ZNF785: variants seen among roughly 807,000 people sequenced by gnomAD.
ZNF785 encodes zinc finger protein 785.
ZNF785 carries 15 observed loss-of-function variants against 11.3 expected under a neutral mutation model. The ratio of observed to expected loss-of-function variants is 1.32; its 90% CI spans 0.89 to 2.04. The LOEUF is 2.04. Among genes scored for constraint, ZNF785 ranks in the 30% most tolerant of loss-of-function variants. ZNF785 has a pLI of 0.00. For missense variants in ZNF785, 572 were observed against 560.9 expected (o/e 1.02, Z -0.20); for synonymous variants, 221 against 231.0 (o/e 0.96, Z 0.39).
rs1195065684 is a variant in ZNF785 at position 30,582,575 on chromosome 16, A to C, written c.1203T>G (p.Phe401Leu). ...PVHFRHFPDI[F>L]QECG ...GTGAACGCCATCACCCACACTCTTG[A>C]AATATATCTGGAAAGTGCCGGAAGT... Residue 401 changes from phenylalanine to leucine, a missense_variant, in exon 3 of 3, where the codon TTT becomes TTG. Coordinates refer to ENST00000395216, the MANE Select transcript of ZNF785 (RefSeq NM_152458.7). The C allele has an allele frequency of 6.2e-7, 1 of 1,613,890 alleles. No individual in the cohort carries two copies. Among genetic ancestry groups the C allele is most frequent in the Non-Finnish European group, 8.5e-7 (1 of 1,180,036 alleles).
Position 30,585,036 on chromosome 16 carries a change from T to C in ZNF785, c.334+86A>G. 3.3e-6 allele frequency: 5 copies of C among 1,513,368 alleles called. No individual in the cohort carries two copies. The highest frequency in any genetic ancestry group is 1.3e-5 in the South Asian group (1 of 77,344). 93.7% of individuals were successfully genotyped at this position (1,513,368 alleles called of 1,614,324 possible). Reference sequence around the variant, plus strand: ...GGTGCAGGGAGACAGGATGGGACTTTGGAGGGGGCAGCCTGCGCTGAGGAT... The same window carrying C: ...GGTGCAGGGAGACAGGATGGGACTTCGGAGGGGGCAGCCTGCGCTGAGGAT... On this transcript the variant is annotated intron_variant, in intron 2 of 2. Transcript: ENST00000395216. This position sits in a 1 kb window ranked among gnomAD's most constrained non-coding sequence, Gnocchi z 4.0.
At chr16:30,583,813 G>C (rs2051853588) in intron 2 of ZNF785, 1 of 169,222 alleles carries the variant, frequency 5.9e-6, no homozygotes, top group Non-Finnish European at 1.2e-5. Context: ...CTGTGATCGG[G>C]CCACTGCACT....
At position 30,582,727 on chromosome 16, in the gene ZNF785, G is replaced by A. The variant is rs200773886; in HGVS notation, c.1051C>T (p.Arg351Cys). 2 of 1,612,326 alleles carry A rather than the reference G, an allele frequency of 1.2e-6. No homozygotes were observed. Among genetic ancestry groups the A allele is most frequent in the African/African-American group, 1.3e-5 (1 of 75,044 alleles). The change falls in exon 3 of 3, where the codon CGC becomes TGC. Residue 351 changes from arginine to cysteine, a missense_variant. By Grantham distance (180) the Arg-to-Cys change is radical (BLOSUM62 -3). Transcript: ENST00000395216. ...PCVECGKGFKRKTALEAHRWI... is the reference protein window; with the variant it reads ...PCVECGKGFKCKTALEAHRWI... Reference sequence around the variant, plus strand: ...CGATGGGCTTCCAGGGCGGTCTTGCGCTTGAAGCCTTTCCCACACTCCACG... The same window carrying A: ...CGATGGGCTTCCAGGGCGGTCTTGCACTTGAAGCCTTTCCCACACTCCACG...
In ZNF785 at chr16:30,583,026, G is replaced by C; in HGVS notation, c.752C>G (p.Thr251Ser). ...TGAGCACGCGTAAGGCTTCTCCCCG[G>C]TGTGAGCCCGCCTGTGGATAGCCAG... is the stretch of plus-strand genomic sequence containing the variant. ...GSLAIHRRAH[T>S]GEKPYACSDC... Residue 251 changes from threonine to serine, a missense_variant, in exon 3 of 3, where the codon ACC becomes AGC. Physicochemically the swap from Thr to Ser is moderately conservative, Grantham distance 58. Transcript: ENST00000395216. The C allele has an allele frequency of 1.2e-6, 2 of 1,614,016 alleles. No individual in the cohort carries two copies. The highest frequency in any genetic ancestry group is 1.7e-6 in the Non-Finnish European group (2 of 1,179,986).
At chr16:30,579,351 T>C (rs1407063063), downstream of ZNF785, 2 of 160,054 alleles carry the variant, frequency 1.2e-5, no homozygotes, top group Non-Finnish European at 2.8e-5. Flanking sequence ...GGAGAGGCTA[T>C]GTGGTGAAGT....
At chr16:30,580,186 CTTTTTTTT>C (rs35143221), downstream of ZNF785, among the ~76,000 whole-genome samples, 1 of 92,546 alleles carries the variant, frequency 1.1e-5, no homozygotes, top group African/African-American at 4.6e-5. Flanking sequence ...CACACCAGGC[CTTTTTTTT>C]TTTTTTTTTT....
chr16:30,585,433 T>G lies in ZNF785; in HGVS notation c.179A>C (p.Glu60Ala), dbSNP rs1357726381. ...CAGCGCGCCCAGGTGGCCGAAGGTC[T>G]CCCGCATCACGTCCCGGTACAGGGC... is the stretch of plus-strand genomic sequence containing the variant. ...QRALYRDVMR[E>A]TFGHLGALGF... Residue 60 changes from glutamate to alanine, a missense_variant, in exon 1 of 3, where the codon GAG (glutamate) becomes GCG (alanine). Glu to Ala is a moderately radical substitution (Grantham distance 107, BLOSUM62 -1). Coordinates refer to ENST00000395216, the MANE Select transcript of ZNF785 (RefSeq NM_152458.7). This position sits in a 1 kb window ranked among gnomAD's most constrained non-coding sequence, Gnocchi z 4.0. 2 of 1,597,914 alleles carry G rather than the reference T, an allele frequency of 1.3e-6. No individual in the cohort carries two copies. The highest frequency in any genetic ancestry group is 2.2e-5 in the South Asian group (2 of 89,168).
At chr16:30,579,974 G>C (rs1257039729), downstream of ZNF785, 1 of 385,204 alleles carries the variant, frequency 2.6e-6, no homozygotes, top group Non-Finnish European at 5.2e-6. Flanking sequence ...TGCAAGCTCC[G>C]CCTCCCGGGT....
At position 30,582,730 on chromosome 16, in the gene ZNF785, T is replaced by G; in HGVS notation, c.1048A>C (p.Lys350Gln). Residue 350 changes from lysine to glutamine, a missense_variant, in exon 3 of 3, where the codon AAG (lysine) becomes CAG (glutamine). Coordinates refer to ENST00000395216, the MANE Select transcript of ZNF785 (RefSeq NM_152458.7). ...FPCVECGKGF[K>Q]RKTALEAHRW... ...TGGGCTTCCAGGGCGGTCTTGCGCT[T>G]GAAGCCTTTCCCACACTCCACGCAG... The G allele has an allele frequency of 6.2e-7, 1 of 1,612,046 alleles. No individual in the cohort carries two copies. The highest frequency in any genetic ancestry group is 8.5e-7 in the Non-Finnish European group (1 of 1,178,550).
At chr16:30,580,441 G>A (rs1470238082), downstream of ZNF785, among the ~76,000 whole-genome samples, 3 of 146,892 alleles carry the variant, frequency 2.0e-5, no homozygotes, top group South Asian at 2.2e-4. Context: ...TGCAAGCTCC[G>A]CCTCCCGGGT....
intron 2 of ZNF785, among the ~76,000 whole-genome samples, chr16:30,584,905 T>A (rs1347481159): frequency 1.3e-5 from 2 of 152,176 alleles, no homozygotes; most frequent in Non-Finnish European, 2.9e-5. Flanking sequence ...AAGCTCTATT[T>A]TGCATTAAAC....
intron 2 of ZNF785, chr16:30,583,695 A>C: frequency 5.0e-6 from 2 of 399,510 alleles, no homozygotes; most frequent in East Asian, 4.3e-5. Flanking sequence ...ACTGGAGATA[A>C]TGAAAGAGGA....
chr16:30,584,887 G>A (rs2051867665), intron 2 of ZNF785, among the ~76,000 whole-genome samples: 1 of 152,040 alleles, frequency 6.6e-6, no homozygotes, highest in African/African-American at 2.4e-5. Context: ...TGACCTCCTA[G>A]GAAGCTCAAG....
At position 30,582,973 on chromosome 16, in the gene ZNF785, AG is replaced by A. The variant is rs765715397; in HGVS notation, c.804del (p.Tyr269ThrfsTer161). 6.6e-5 allele frequency: 107 copies of A among 1,610,472 alleles called. No homozygotes were observed. The highest frequency in any genetic ancestry group is 8.6e-5 in the Non-Finnish European group (101 of 1,178,020). On this transcript the variant is annotated frameshift_variant, in exon 3 of 3. Transcript: ENST00000395216. LOFTEE classifies it low-confidence loss of function (END_TRUNC). Reference sequence around the variant, plus strand: ...TTGCGCTGGTGGATGGCCAGCAGGTAGGGGTAAGTGAAGCGACTCTTGCAGT... The same window carrying A: ...TTGCGCTGGTGGATGGCCAGCAGGTAGGGTAAGTGAAGCGACTCTTGCAGT... The part of the protein sequence containing the change: ...CSDCKSRFTY[P>X]YLLAIHQRKH...
In ZNF785 at chr16:30,585,378, G is replaced by C. The variant is rs778445245; in HGVS notation, c.205+29C>G. 3.0e-5 allele frequency: 47 copies of C among 1,574,638 alleles called. No homozygotes were observed. The highest frequency in any genetic ancestry group is 5.4e-5 in the African/African-American group (4 of 74,090). On this transcript the variant is annotated intron_variant, in intron 1 of 2. Transcript: ENST00000395216. The surrounding 1 kb of genome is among the most constrained non-coding windows in gnomAD (Gnocchi z 4.0). The stretch of plus-strand genomic sequence containing the variant: ...ATCACCGCTTCCCACCGACGGACTG[G>C]GGGTCCCGGCCGGAGGGCCCGGCCT...
Position 30,585,550 on chromosome 16 carries a change from G to C in ZNF785, c.62C>G (p.Thr21Arg). 6.4e-7 allele frequency: 1 copy of C among 1,564,772 alleles called. No individual in the cohort carries two copies. Among genetic ancestry groups the C allele is most frequent in the Non-Finnish European group, 8.6e-7 (1 of 1,157,044 alleles). ...CACGGCGCCCGGCCTGCTTTCCCTC[G>C]TCCTCCGGGGCCCGGCCTCCCCGGG... ...HVPGEAGPRR[T>R]RESRPGAVSF... The change falls in exon 1 of 3, where the codon ACG becomes AGG. Residue 21 changes from threonine (T) to arginine (R), a missense_variant. Transcript: ENST00000395216. This position sits in a 1 kb window ranked among gnomAD's most constrained non-coding sequence, Gnocchi z 4.0.
Position 30,583,459 on chromosome 16 carries a change from T to A in ZNF785, c.335-16A>T, listed in dbSNP as rs1230492309. 1 of 1,521,888 alleles carries A rather than the reference T, an allele frequency of 6.6e-7. No homozygotes were observed. 94.3% of individuals were successfully genotyped at this position (1,521,888 alleles called of 1,614,324 possible). On this transcript the variant is annotated splice_polypyrimidine_tract_variant and intron_variant, in intron 2 of 2. Coordinates refer to ENST00000395216, the MANE Select transcript of ZNF785 (RefSeq NM_152458.7). ...TCCCTGGATCCTGAAACAGGGAAGA[T>A]GATAAAATCAGAAACTCATCCCTGG...
rs765339887 is a variant in ZNF785, at chr16:30,580,794, G to A, written c.*1766C>T. 3 of 151,548 alleles carry A rather than the reference G, an allele frequency of 2.0e-5. No homozygotes were observed. The highest frequency in any genetic ancestry group is 1.9e-4 in the East Asian group (1 of 5,170). 9.4% of individuals were successfully genotyped at this position (151,548 alleles called of 1,614,324 possible). On this transcript the variant is annotated 3_prime_UTR_variant, in exon 3 of 3. Coordinates refer to ENST00000395216, the MANE Select transcript of ZNF785 (RefSeq NM_152458.7). ...TAGGATTACAGGCGTGAGCCACCGC[G>A]CCTGGCCTTCATAACTGTTGACATA...
rs377665528 is a variant in ZNF785 at position 30,582,649 on chromosome 16, C to T, written c.1129G>A (p.Gly377Arg). The T allele has an allele frequency of 6.2e-7, 1 of 1,614,102 alleles. No individual in the cohort carries two copies. Among genetic ancestry groups the T allele is most frequent in the Non-Finnish European group, 8.5e-7 (1 of 1,180,056 alleles). ...ERRAWQQAVV[G>R]RSEPIPVLGG... The stretch of plus-strand genomic sequence containing the variant: ...AAAACAGGGATGGGCTCTGAACGCC[C>T]CACCACGGCCTGCTGCCACGCGCGC... Residue 377 changes from glycine (G) to arginine (R), a missense_variant, in exon 3 of 3, where the codon GGG becomes AGG. Gly to Arg is a moderately radical substitution (Grantham distance 125). Transcript: ENST00000395216.
Sources: allele counts gnomAD v4.1 joint callset (sites outside exome capture counted in the v4.1 genomes callset), GRCh38; gene constraint gnomAD v4.1.1; non-coding constraint Gnocchi (gnomAD v3.1); transcripts MANE v1.5; gene names NCBI Gene and HGNC (gene_info 2026-07-23, HGNC 2026-07-21).